Variants in CCDC63 observed in about 807,000 individuals in gnomAD.
The protein encoded by CCDC63 is coiled-coil domain containing 63.
Under a neutral mutation model 63.6 loss-of-function variants are expected in CCDC63, and 54 were observed. The observed-to-expected ratio is 0.85, with a 90% CI of 0.68 to 1.07. The LOEUF (loss-of-function observed/expected upper bound fraction) is 1.07, where lower values mean the gene tolerates loss of function less well. Among genes scored for constraint, CCDC63 ranks in the 50% least tolerant of loss-of-function variants. CCDC63 has a pLI of 0.00. For missense variants in CCDC63, 637 were observed against 689.6 expected, an observed-to-expected ratio of 0.92 and a Z score of 0.86; for synonymous variants, 253 against 266.1, an observed-to-expected ratio of 0.95 and a Z score of 0.48.
chr12:110,867,941 A>T, intron 4 of CCDC63, among the ~76,000 whole-genome samples: 1 of 106,696 alleles, frequency 9.4e-6, no homozygotes, highest in South Asian at 3.1e-4. Flanking sequence ...CAGACGGGGC[A>T]GCTGCCGGGC....
intron 10 of CCDC63, among the ~76,000 whole-genome samples, chr12:110,902,722 A>T (rs900334356): frequency 6.6e-5 from 10 of 151,824 alleles, no homozygotes; most frequent in African/African-American, 1.9e-4. Context: ...TTATTTATTT[A>T]TTTATTATTT....
intron 4 of CCDC63, among the ~76,000 whole-genome samples, chr12:110,865,942 C>T (rs986644911): frequency 6.6e-6 from 1 of 151,978 alleles, no homozygotes; most frequent in African/African-American, 2.4e-5. Context: ...CTTGTCCTTA[C>T]TTCTTTGAGC....
intron 4 of CCDC63, among the ~76,000 whole-genome samples, chr12:110,870,204 T>A (rs2071046518): frequency 6.6e-6 from 1 of 152,140 alleles, no homozygotes; most frequent in Non-Finnish European, 1.5e-5. Context: ...TTCCTCAACC[T>A]CCCAAGTAGC....
chr12:110,870,356 A>ACAG (rs2071048411), intron 4 of CCDC63, among the ~76,000 whole-genome samples: 1 of 152,220 alleles, frequency 6.6e-6, no homozygotes, highest in Non-Finnish European at 1.5e-5. Flanking sequence ...TGTTGGGATT[A>ACAG]CAGGCATGAG....
chr12:110,854,297 T>TC (rs2070743117), intron 3 of CCDC63, among the ~76,000 whole-genome samples: 1 of 146,646 alleles, frequency 6.8e-6, no homozygotes, highest in Non-Finnish European at 1.5e-5. Context: ...TTTTCTCTTT[T>TC]TTTTTTTTTT....
intron 8 of CCDC63, among the ~76,000 whole-genome samples, chr12:110,888,218 G>T (rs180804143): frequency 1.3e-5 from 2 of 152,292 alleles, no homozygotes; most frequent in East Asian, 3.9e-4. Flanking sequence ...CGGTATTGCA[G>T]GGAAGGTCTT....
At chr12:110,897,560 T>C (rs1727860044) in intron 9 of CCDC63, among the ~76,000 whole-genome samples, 1 of 152,108 alleles carries the variant, frequency 6.6e-6, no homozygotes, top group Non-Finnish European at 1.5e-5. Flanking sequence ...ATCACATGAC[T>C]GCACTCCAGC....
chr12:110,880,319 C>CTGGA (rs1027696628), intron 6 of CCDC63, among the ~76,000 whole-genome samples: 1 of 152,182 alleles, frequency 6.6e-6, no homozygotes, highest in African/African-American at 2.4e-5. Flanking sequence ...ATTTTACAGA[C>CTGGA]TGGAATGTGC....
chr12:110,864,866 C>T (rs2070920580), intron 4 of CCDC63, among the ~76,000 whole-genome samples: 1 of 152,084 alleles, frequency 6.6e-6, no homozygotes, highest in Non-Finnish European at 1.5e-5. Flanking sequence ...GTAAGGCAAA[C>T]TTCAGGGCTG....
chr12:110,858,791 T>TA lies in CCDC63; in HGVS notation c.369+19dup, dbSNP rs750155535. The TA allele has an allele frequency of 3.1e-6, 5 of 1,608,388 alleles. No homozygotes were observed. Reference sequence around the variant, plus strand: ...GGATGAGAAGGTGTGGTCTTTCTCTTAAAGGGTTAACCAGAACACAGAGCA... The same window carrying TA: ...GGATGAGAAGGTGTGGTCTTTCTCTTAAAAGGGTTAACCAGAACACAGAGCA... On this transcript the variant is annotated intron_variant, in intron 4 of 11. Transcript: ENST00000308208.
At chr12:110,880,205 T>A (rs1182835859) in intron 6 of CCDC63, 118 bp downstream of exon 6, 2 of 848,944 alleles carry the variant, frequency 2.4e-6, no homozygotes, top group Admixed American at 2.4e-5. Context: ...TCTTAAATCA[T>A]AGTAGTAATA....
chr12:110,879,768 G>C lies in CCDC63; in HGVS notation c.490-138G>C, dbSNP rs1404226959. ...CTGGCTCCAACCAGTTGAGCCTCTT[G>C]CCTACTGCTCCAACCACTCCTCCAT... On this transcript the variant is annotated intron_variant, in intron 5 of 11. Transcript: ENST00000308208. 6.5e-6 allele frequency: 5 copies of C among 774,102 alleles called. No individual in the cohort carries two copies. In the Admixed American group the frequency reaches 9.2e-5, roughly 14 times the overall value. The allele number at this position is 774,102 out of a possible 1,614,324, so 48.0% of individuals were successfully genotyped here.
intron 8 of CCDC63, among the ~76,000 whole-genome samples, chr12:110,887,741 GGC>G (rs1157538687): frequency 1.2e-4 from 19 of 152,064 alleles, no homozygotes. Context: ...TGGGACTACA[GGC>G]GCGCGCCACC....
At chr12:110,884,756 G>T (rs1859769024) in intron 8 of CCDC63, among the ~76,000 whole-genome samples, 1 of 151,800 alleles carries the variant, frequency 6.6e-6, no homozygotes, top group Admixed American at 6.6e-5. Context: ...GCATGATCTT[G>T]GTTCACTGCA....
intron 4 of CCDC63, among the ~76,000 whole-genome samples, chr12:110,867,730 G>T: frequency 7.9e-6 from 1 of 126,304 alleles, no homozygotes; most frequent in African/African-American, 3.2e-5. Context: ...CTCCCGGACA[G>T]GGCGGCTGGC....
intron 4 of CCDC63, among the ~76,000 whole-genome samples, chr12:110,859,737 G>C (rs1252561523): frequency 6.6e-6 from 1 of 152,092 alleles, no homozygotes; most frequent in Non-Finnish European, 1.5e-5. Flanking sequence ...ATCCACAAAG[G>C]GGTCCGGGAA....
At chr12:110,866,329 TA>T (rs1271367687) in intron 4 of CCDC63, among the ~76,000 whole-genome samples, 15 of 147,936 alleles carry the variant, frequency 1.0e-4, no homozygotes, top group Admixed American at 4.0e-4. Flanking sequence ...TTTTTTAATT[TA>T]TTTTTTTATT....
chr12:110,873,890 A>G lies in CCDC63; in HGVS notation c.418A>G (p.Lys140Glu), dbSNP rs773047431. Residue 140 changes from lysine (K) to glutamate (E), a missense_variant, in exon 5 of 12, where the codon AAA (lysine) becomes GAA (glutamate). By Grantham distance (56) the Lys-to-Glu change is moderately conservative. Coordinates refer to ENST00000308208, the MANE Select transcript of CCDC63 (RefSeq NM_152591.3). ...KIANQKQIFA[K>E]MQEANNPRKL... Reference sequence around the variant, plus strand: ...CGCAAACCAAAAACAGATTTTCGCAAAAATGCAGGAGGCCAATAACCCCCG... The same window carrying G: ...CGCAAACCAAAAACAGATTTTCGCAGAAATGCAGGAGGCCAATAACCCCCG... 3 of 1,613,054 alleles carry G rather than the reference A, an allele frequency of 1.9e-6. No homozygotes were observed. Among genetic ancestry groups the G allele is most frequent in the Admixed American group, 3.3e-5 (2 of 59,766 alleles).
At chr12:110,848,399 C>T (rs1462789342) in intron 1 of CCDC63, among the ~76,000 whole-genome samples, 1 of 152,076 alleles carries the variant, frequency 6.6e-6, no homozygotes. Flanking sequence ...GGATCTGTTC[C>T]CCAGGGAATG....
Sources: gnomAD v4.1 joint callset for allele counts (sites outside exome capture counted in the v4.1 genomes callset) on GRCh38, gnomAD v4.1.1 for gene constraint, MANE v1.5 for transcripts, NCBI Gene and HGNC (gene_info 2026-07-23, HGNC 2026-07-21) for gene names.